Variants in TNRC18 observed in about 807,000 individuals in gnomAD.
The protein encoded by TNRC18 is trinucleotide repeat-containing gene 18 protein.
Under a neutral mutation model 226.7 loss-of-function variants are expected in TNRC18, and 69 were observed. That is an observed-to-expected ratio of 0.30 (90% CI 0.25 to 0.37). The LOEUF (loss-of-function observed/expected upper bound fraction) is 0.37, where lower values mean the gene tolerates loss of function less well. Ranked by LOEUF, TNRC18 falls within the 10% of genes least tolerant of loss-of-function variation. The pLI is 1.00. For missense variants in TNRC18, 4,754 were observed against 4,256.6 expected, an observed-to-expected ratio of 1.12 and a Z score of -3.25; for synonymous variants, 2,449 against 1,927.6, an observed-to-expected ratio of 1.27 and a Z score of -7.09.
At chr7:5,375,987 C>T (rs1025003453) in intron 9 of TNRC18, 47 bp downstream of exon 9, 2 of 1,539,394 alleles carry the variant, frequency 1.3e-6, no homozygotes, top group African/African-American at 2.8e-5. Context: ...GCCTCGTCAC[C>T]CATGGGGGCC....
At chr7:5,370,069 C>T (rs939482925) in intron 11 of TNRC18, among the ~76,000 whole-genome samples, 1 of 152,102 alleles carries the variant, frequency 6.6e-6, no homozygotes, top group African/African-American at 2.4e-5. Flanking sequence ...AATCCCAGCA[C>T]TTTGGGAGGT....
At chr7:5,363,653 C>T (rs1198336200) in intron 11 of TNRC18, among the ~76,000 whole-genome samples, 2 of 152,092 alleles carry the variant, frequency 1.3e-5, no homozygotes, top group Admixed American at 6.6e-5. Flanking sequence ...ACGCCTGGCA[C>T]AGGGTCCTGT....
At chr7:5,383,502 G>A (rs538297809) in intron 5 of TNRC18, among the ~76,000 whole-genome samples, 8 of 152,302 alleles carry the variant, frequency 5.3e-5, no homozygotes, top group African/African-American at 1.2e-4. Flanking sequence ...CAGAGGGCTC[G>A]AGGCTCTTGT....
Position 5,377,010 on chromosome 7 carries a change from A to T in TNRC18, c.2462-17T>A. On this transcript the variant is annotated splice_polypyrimidine_tract_variant and intron_variant, in intron 7 of 29. Transcript: ENST00000430969. This position sits in a 1 kb window ranked among gnomAD's most constrained non-coding sequence, Gnocchi z 5.8. Reference sequence around the variant, plus strand: ...GACCCAAGCCTAGGAGGAGAAGCCCAGGCCTGAGTCAGTGCTGGGAGCCCC... The same window carrying T: ...GACCCAAGCCTAGGAGGAGAAGCCCTGGCCTGAGTCAGTGCTGGGAGCCCC... The T allele has an allele frequency of 6.4e-7, 1 of 1,565,706 alleles. No individual in the cohort carries two copies. The highest frequency in any genetic ancestry group is 8.6e-7 in the Non-Finnish European group (1 of 1,156,126).
At chr7:5,322,691 G>C (rs192621522) in intron 21 of TNRC18, among the ~76,000 whole-genome samples, 2 of 152,318 alleles carry the variant, frequency 1.3e-5, no homozygotes, top group East Asian at 3.9e-4. Context: ...CCAACCCTCT[G>C]CTCCCTCCCT....
intron 14 of TNRC18, among the ~76,000 whole-genome samples, chr7:5,361,302 G>GTAA (rs1197116276): frequency 6.6e-6 from 1 of 152,204 alleles, no homozygotes. Flanking sequence ...GAAAAGAGGA[G>GTAA]GAATTAGGCC....
Position 5,374,203 on chromosome 7 carries a change from G to A in TNRC18, c.3081C>T (p.Pro1027=). The A allele has an allele frequency of 6.9e-7, 1 of 1,457,604 alleles. No individual in the cohort carries two copies. The highest frequency in any genetic ancestry group is 9.1e-7 in the Non-Finnish European group (1 of 1,103,222). 90.3% of individuals were successfully genotyped at this position (1,457,604 alleles called of 1,614,324 possible). The change falls in exon 10 of 30, where the codon CCC becomes CCT. Residue 1027 remains proline (P), a synonymous_variant. Transcript: ENST00000430969. ...KPPAYAYPAT[P]SSHPTSPPPA... ...GCGGCGGGCTGGTGGGGTGGGAGCT[G>A]GGGGTGGCGGGGTAGGCGTAGGCGG...
At chr7:5,387,105 A>T (rs912264644) in intron 5 of TNRC18, among the ~76,000 whole-genome samples, 1 of 152,166 alleles carries the variant, frequency 6.6e-6, no homozygotes, top group Non-Finnish European at 1.5e-5. Context: ...AACAATTCTA[A>T]AGAATCCAAA....
chr7:5,383,957 A>ATTTTTTTTTTTTTTTTTTTTTTTTTTTT, intron 5 of TNRC18, among the ~76,000 whole-genome samples: 1 of 78,794 alleles, frequency 1.3e-5, no homozygotes, highest in Non-Finnish European at 2.2e-5. Flanking sequence ...TACCCGGGTG[A>ATTTTTTTTTTTTTTTTTTTTTTTTTTTT]TTTTTTTTTT....
intron 15 of TNRC18, 66 bp from the exon 16 acceptor site, chr7:5,357,342 C>T (rs931248600): frequency 4.0e-6 from 6 of 1,497,830 alleles, no homozygotes; most frequent in Non-Finnish European, 5.4e-6. Context: ...TTTCAGTGCA[C>T]ATGCTCTGCC....
At chr7:5,406,448 C>A (rs1362141742) in intron 2 of TNRC18, among the ~76,000 whole-genome samples, 1 of 151,714 alleles carries the variant, frequency 6.6e-6, no homozygotes, top group Admixed American at 6.6e-5. Flanking sequence ...GGTAATAGAG[C>A]GAGACTCTGT....
intron 27 of TNRC18, among the ~76,000 whole-genome samples, chr7:5,311,925 G>A (rs559656682): frequency 1.3e-5 from 2 of 152,218 alleles, no homozygotes; most frequent in Non-Finnish European, 2.9e-5. Context: ...TTGAGGCCAG[G>A]AGAGTTTGAG....
chr7:5,373,989 G>T, intron 10 of TNRC18, 66 bp downstream of exon 10: 1 of 1,286,136 alleles, frequency 7.8e-7, no homozygotes, highest in Non-Finnish European at 1.0e-6. Flanking sequence ...TCAATGAAAA[G>T]ATGGATGAGC....
intron 24 of TNRC18, among the ~76,000 whole-genome samples, chr7:5,318,847 T>C (rs1197427831): frequency 6.6e-6 from 1 of 152,160 alleles, no homozygotes; most frequent in Non-Finnish European, 1.5e-5. Flanking sequence ...CTCAGCTATC[T>C]CTAAAAAATC....
chr7:5,419,038 TCAGCCTCGGCGTG>T (rs1782370124), intron 2 of TNRC18, among the ~76,000 whole-genome samples: 1 of 152,192 alleles, frequency 6.6e-6, no homozygotes, highest in Non-Finnish European at 1.5e-5. Context: ...CTCCCCGACC[TCAGCCTCGGCGTG>T]CAGAAGTCAG....
intron 10 of TNRC18, among the ~76,000 whole-genome samples, chr7:5,372,847 A>T (rs1794293556): frequency 6.6e-6 from 1 of 152,154 alleles, no homozygotes; most frequent in Admixed American, 6.5e-5. Flanking sequence ...ACAAAGCAAG[A>T]CACATCTGTA....
chr7:5,321,897 C>G (rs1001499317), intron 21 of TNRC18, among the ~76,000 whole-genome samples: 3 of 151,960 alleles, frequency 2.0e-5, no homozygotes, highest in African/African-American at 7.2e-5. Context: ...ATCCCGAGCC[C>G]CTGACCTCCG....
chr7:5,345,216 G>A (rs916739257), intron 18 of TNRC18, among the ~76,000 whole-genome samples: 5 of 152,352 alleles, frequency 3.3e-5, no homozygotes, highest in African/African-American at 9.6e-5. Flanking sequence ...CAGACTGGGT[G>A]TCACCAACCT....
chr7:5,329,811 G>C, intron 19 of TNRC18: 1 of 424,470 alleles, frequency 2.4e-6, no homozygotes, highest in East Asian at 7.2e-5. Context: ...TTAACCACTG[G>C]ACTACATTGC....
Sources: gnomAD v4.1 joint callset for allele counts (sites outside exome capture counted in the v4.1 genomes callset) on GRCh38, gnomAD v4.1.1 for gene constraint, Gnocchi (gnomAD v3.1) non-coding constraint, MANE v1.5 for transcripts, NCBI Gene and HGNC (gene_info 2026-07-23, HGNC 2026-07-21) for gene names.